The following AGBL4 variants were observed in gnomAD, a reference collection of about 807,000 sequenced individuals.
AGBL4 encodes the protein cytosolic carboxypeptidase 6.
In AGBL4, 58 loss-of-function variants were observed where a neutral mutation model predicts 66.4. That is an observed-to-expected ratio of 0.87 (90% CI 0.71 to 1.09). The LOEUF is 1.09. AGBL4 is among the 50% of genes least tolerant of loss of function. The pLI is 0.00. For synonymous variants in AGBL4, 234 were observed against 222.9 expected (o/e 1.05, Z -0.44); for missense variants, 579 against 631.0 (o/e 0.92, Z 0.88).
At chr1:48,962,849 T>A (rs897209030) in intron 5 of AGBL4, among the ~76,000 whole-genome samples, 8 of 152,080 alleles carry the variant, frequency 5.3e-5, no homozygotes, top group Admixed American at 5.2e-4. Context: ...GAGTTAAGCA[T>A]CCTGGGTTGA....
chr1:48,693,258 G>A (rs1646662140), intron 6 of AGBL4, among the ~76,000 whole-genome samples: 2 of 152,172 alleles, frequency 1.3e-5, no homozygotes, highest in Non-Finnish European at 2.9e-5. Context: ...GGGAAAGGGA[G>A]TGTATCTGAA....
At chr1:49,108,659 C>A (rs769359981) in intron 4 of AGBL4, among the ~76,000 whole-genome samples, 13 of 152,092 alleles carry the variant, frequency 8.5e-5, no homozygotes, top group African/African-American at 1.2e-4. Context: ...GTGTTATTGA[C>A]AAAATAGTGA....
intron 5 of AGBL4, among the ~76,000 whole-genome samples, chr1:49,024,985 C>T (rs1046914921): frequency 1.3e-5 from 2 of 151,988 alleles, no homozygotes; most frequent in African/African-American, 4.8e-5. Flanking sequence ...GGATATCTAT[C>T]GGGGTAGAGG....
chr1:48,593,076 T>TA (rs1419848018), intron 9 of AGBL4, among the ~76,000 whole-genome samples: 5 of 152,102 alleles, frequency 3.3e-5, no homozygotes, highest in Non-Finnish European at 7.4e-5. Context: ...TAATTTATAG[T>TA]AAAAAAATCT....
At chr1:49,342,229 C>T (rs1322851637) in intron 3 of AGBL4, among the ~76,000 whole-genome samples, 3 of 152,178 alleles carry the variant, frequency 2.0e-5, no homozygotes, top group African/African-American at 7.2e-5. Context: ...CACTGCTTGT[C>T]TCTTCTGCAA....
intron 5 of AGBL4, among the ~76,000 whole-genome samples, chr1:48,974,274 T>C (rs914984650): frequency 1.1e-4 from 16 of 152,130 alleles, no homozygotes; most frequent in Non-Finnish European, 1.9e-4. Context: ...AGTCCCCCAT[T>C]ACCCCAGGAA....
chr1:48,555,114 G>T (rs1489637964), intron 11 of AGBL4, among the ~76,000 whole-genome samples: 2 of 151,956 alleles, frequency 1.3e-5, no homozygotes, highest in Non-Finnish European at 2.9e-5. Context: ...CAAAAAGTGG[G>T]ATTTAATATT....
intron 5 of AGBL4, among the ~76,000 whole-genome samples, chr1:49,007,045 G>A (rs1447804235): frequency 1.0e-5 from 1 of 96,364 alleles, no homozygotes; most frequent in Non-Finnish European, 2.7e-5. Context: ...TTGACGAGCT[G>A]AGAGAAGAAG....
At chr1:48,875,538 A>G (rs554221534) in intron 5 of AGBL4, among the ~76,000 whole-genome samples, 128 of 152,280 alleles carry the variant, frequency 8.4e-4, no homozygotes, top group African/African-American at 3.0e-3. Context: ...TTGCTTCAAT[A>G]TATTTTGCAG....
At position 48,930,002 on chromosome 1, in the gene AGBL4, T is replaced by C. The variant is rs149608529; in HGVS notation, c.595-62772A>G. Among the ~76,000 whole-genome samples, 938 of 152,230 alleles carry C rather than the reference T, an allele frequency of 6.2e-3. 8 individuals are homozygous for C. Among genetic ancestry groups the C allele is most frequent in the Non-Finnish European group, 0.011 (730 of 68,012 alleles). On this transcript the variant is annotated intron_variant, in intron 5 of 13. Coordinates refer to ENST00000371839, the MANE Select transcript of AGBL4 (RefSeq NM_032785.4). ...ACTTGTCTCCTGCCAAACTTAAATA[T>C]ATTGATCTATAACTGGAGGACTGGA...
In AGBL4 at chr1:49,682,656, G is replaced by T. The variant is rs564936114; in HGVS notation, c.282+14657C>A. Among the ~76,000 whole-genome samples, 4 of 152,284 alleles carry T rather than the reference G, an allele frequency of 2.6e-5. No individual in the cohort carries two copies. In the South Asian group the frequency reaches 8.3e-4, roughly 32 times the overall value. On this transcript the variant is annotated intron_variant, in intron 3 of 13. Coordinates refer to ENST00000371839, the MANE Select transcript of AGBL4 (RefSeq NM_032785.4). Reference sequence around the variant, plus strand: ...GGCCCTAGAGCAGGACCAACTTCATGGGTGTGTGACCTGTGCAGCTGCACA... The same window carrying T: ...GGCCCTAGAGCAGGACCAACTTCATTGGTGTGTGACCTGTGCAGCTGCACA...
intron 6 of AGBL4, among the ~76,000 whole-genome samples, chr1:48,777,440 C>T (rs892545299): frequency 6.6e-6 from 1 of 152,054 alleles, no homozygotes; most frequent in African/African-American, 2.4e-5. Flanking sequence ...AGCCCCGCAC[C>T]CTCCCCGCGC....
At chr1:48,669,237 A>G (rs895579631) in intron 6 of AGBL4, among the ~76,000 whole-genome samples, 3 of 152,202 alleles carry the variant, frequency 2.0e-5, no homozygotes, top group Non-Finnish European at 4.4e-5. Flanking sequence ...CTAGCTCACA[A>G]GACAAACAAT....
chr1:49,788,819 T>A (rs1263778189), intron 2 of AGBL4, among the ~76,000 whole-genome samples: 7 of 152,194 alleles, frequency 4.6e-5, no homozygotes, highest in Non-Finnish European at 1.0e-4. Context: ...GACAATGTGG[T>A]AAAAAGAATA....
chr1:49,564,841 A>T (rs1174599897), intron 3 of AGBL4, among the ~76,000 whole-genome samples: 1 of 152,204 alleles, frequency 6.6e-6, no homozygotes, highest in Admixed American at 6.5e-5. Context: ...TGCAGAGCTG[A>T]GTTCAATTCC....
chr1:49,509,356 C>T, intron 3 of AGBL4, among the ~76,000 whole-genome samples: 1 of 151,884 alleles, frequency 6.6e-6, no homozygotes, highest in East Asian at 1.9e-4. Flanking sequence ...TGAGTATTTA[C>T]ATGCATTATT....
At chr1:49,026,467 T>G (rs1663702855) in intron 5 of AGBL4, among the ~76,000 whole-genome samples, 1 of 152,152 alleles carries the variant, frequency 6.6e-6, no homozygotes, top group Non-Finnish European at 1.5e-5. Flanking sequence ...TAAGAGAAAT[T>G]GCTGATGAGT....
intron 2 of AGBL4, among the ~76,000 whole-genome samples, chr1:49,828,664 G>C (rs1398858523): frequency 6.6e-6 from 1 of 152,150 alleles, no homozygotes; most frequent in Non-Finnish European, 1.5e-5. Flanking sequence ...AACTCTGATG[G>C]GAAGCCAATG....
intron 2 of AGBL4, among the ~76,000 whole-genome samples, chr1:49,741,692 C>G (rs553688822): frequency 6.6e-6 from 1 of 152,288 alleles, no homozygotes; most frequent in East Asian, 1.9e-4. Context: ...TATCAAAAAT[C>G]TTATCCATCA....
Sources: allele counts gnomAD v4.1 joint callset (sites outside exome capture counted in the v4.1 genomes callset), GRCh38; gene constraint gnomAD v4.1.1; transcripts MANE v1.5; gene names NCBI Gene and HGNC (gene_info 2026-07-23, HGNC 2026-07-21).